Variants in SYNE1 observed in about 807,000 individuals in gnomAD.
SYNE1 encodes nesprin-1.
Under a neutral mutation model 1,111.0 loss-of-function variants are expected in SYNE1, and 616 were observed. That is an observed-to-expected ratio of 0.55 (90% CI 0.52 to 0.59). The LOEUF (loss-of-function observed/expected upper bound fraction) is 0.59, where lower values mean the gene tolerates loss of function less well. SYNE1 is among the 20% of genes least tolerant of loss of function. The probability of loss-of-function intolerance (pLI) is 0.00; values close to 1 mark genes in which losing one functional copy is unlikely to be tolerated. For missense variants in SYNE1, 10,006 were observed against 10,417.0 expected (o/e 0.96, Z 1.72); for synonymous variants, 3,855 against 3,825.8 (o/e 1.01, Z -0.28).
At chr6:152,412,018 TATAA>T (rs2098062311) in intron 42 of SYNE1, among the ~76,000 whole-genome samples, 2 of 152,248 alleles carry the variant, frequency 1.3e-5, no homozygotes, top group Admixed American at 6.5e-5. Flanking sequence ...TGTGAATGTT[TATAA>T]ATACTTTATT....
intron 69 of SYNE1, 31 bp from the exon 70 acceptor site, chr6:152,352,384 A>T (rs6932325): frequency 2.1e-5 from 34 of 1,600,520 alleles, no homozygotes; most frequent in Admixed American, 8.5e-5. Flanking sequence ...GAGCAAAGGT[A>T]GTCTTGTTTC....
At chr6:152,511,704 T>C in intron 6 of SYNE1, 1 of 1,092,060 alleles carries the variant, frequency 9.2e-7, no homozygotes, top group Admixed American at 1.8e-5. Context: ...AGAACCTGAC[T>C]GTGGTAATAC....
rs765919216 is a variant in SYNE1 at position 152,401,167 on chromosome 6, C to G, written c.7000G>C (p.Glu2334Gln). 1 of 1,614,128 alleles carries G rather than the reference C, an allele frequency of 6.2e-7. No homozygotes were observed. The highest frequency in any genetic ancestry group is 2.2e-5 in the East Asian group (1 of 44,874). ...EESLMNCAQN[E>Q]TCEALKKVKD... is the part of the protein sequence containing the mutation. ...ACTTTTTTCAATGCTTCACAAGTCTCATTTTGGGCACAGTTCATCAACGAT... is the reference window on the plus strand; with the variant it reads ...ACTTTTTTCAATGCTTCACAAGTCTGATTTTGGGCACAGTTCATCAACGAT... The change falls in exon 47 of 146, where the codon GAG (glutamate) becomes CAG (glutamine). Residue 2334 changes from glutamate to glutamine, a missense_variant. Physicochemically the swap from Glu to Gln is conservative, Grantham distance 29. This residue lies in a region of SYNE1 where 4,955 missense variants were observed against 5,017.2 expected (regional missense o/e 0.99). Coordinates refer to ENST00000367255, the MANE Select transcript of SYNE1 (RefSeq NM_182961.4).
At chr6:152,250,439 G>A (rs2088836314) in intron 104 of SYNE1, among the ~76,000 whole-genome samples, 1 of 152,112 alleles carries the variant, frequency 6.6e-6, no homozygotes, top group African/African-American at 2.4e-5. Flanking sequence ...TGAGTGGAAG[G>A]ATAATCGTAC....
intron 127 of SYNE1, among the ~76,000 whole-genome samples, chr6:152,196,640 T>A (rs1194952368): frequency 6.6e-6 from 1 of 151,606 alleles, no homozygotes; most frequent in East Asian, 2.0e-4. Flanking sequence ...TGTAATTGAG[T>A]TGGTATCCAA....
At position 152,390,355 on chromosome 6, in the gene SYNE1, C is replaced by T. The variant is rs142628581; in HGVS notation, c.8102G>A (p.Arg2701Lys). The T allele has an allele frequency of 6.8e-6, 11 of 1,614,056 alleles. No individual in the cohort carries two copies. Among genetic ancestry groups the T allele is most frequent in the Non-Finnish European group, 9.3e-6 (11 of 1,180,028 alleles). Residue 2701 changes from arginine to lysine, a missense_variant, in exon 53 of 146, where the codon AGG becomes AAG. Transcript: ENST00000367255. Reference protein sequence around the residue: ...ALRSSNKEGQRVIQTQLETLK... With the variant: ...ALRSSNKEGQKVIQTQLETLK... ...GGTCTCTAACTGAGTCTGAATCACC[C>T]TCTGACCTTCTTTGTTGCTACTTCT... is the stretch of plus-strand genomic sequence containing the variant.
At chr6:152,536,868 A>G (rs545631037) in intron 4 of SYNE1, among the ~76,000 whole-genome samples, 3 of 152,252 alleles carry the variant, frequency 2.0e-5, no homozygotes, top group Middle Eastern at 3.4e-3. Context: ...AATCTACAAA[A>G]TAATAAAAAT....
In SYNE1 at chr6:152,325,324, G is replaced by A. The variant is rs2096031142; in HGVS notation, c.15439-22C>T. ...AAGCCTAGGGTTGGGGGTGGAGGAC[G>A]GAAGAGAGGAGACAAGGGAGAGATC... On this transcript the variant is annotated intron_variant, in intron 80 of 145. Transcript: ENST00000367255. The A allele has an allele frequency of 5.6e-6, 9 of 1,609,050 alleles. No individual in the cohort carries two copies. In the Middle Eastern group the frequency reaches 5.0e-4, roughly 89 times the overall value.
At chr6:152,317,628 G>A (rs116254202) in intron 86 of SYNE1, among the ~76,000 whole-genome samples, 2,504 of 152,216 alleles carry the variant, frequency 0.016, 65 homozygotes, top group African/African-American at 0.056. Context: ...GTTTTAACTT[G>A]TCCCTGATTA....
chr6:152,359,629 G>GGGGTGT (rs145785055), intron 64 of SYNE1, among the ~76,000 whole-genome samples, 171 bp from the exon 65 acceptor site: 13 of 148,596 alleles, frequency 8.7e-5, no homozygotes, highest in South Asian at 2.2e-4. Flanking sequence ...TGAATGCATG[G>GGGGTGT]GTGTGTGTGT....
intron 5 of SYNE1, among the ~76,000 whole-genome samples, chr6:152,523,154 G>GT (rs917792035): frequency 6.0e-5 from 9 of 150,612 alleles, no homozygotes; most frequent in African/African-American, 9.7e-5. Flanking sequence ...TTTTCTTCTA[G>GT]TTTTTTTTTC....
At chr6:152,138,986 A>G (rs1477073098) in intron 140 of SYNE1, among the ~76,000 whole-genome samples, 1 of 152,224 alleles carries the variant, frequency 6.6e-6, no homozygotes, top group African/African-American at 2.4e-5. Context: ...CCACTACTGT[A>G]ATCAATTTCA....
At chr6:152,328,215 C>A (rs1315706057) in intron 78 of SYNE1, among the ~76,000 whole-genome samples, 1 of 152,092 alleles carries the variant, frequency 6.6e-6, no homozygotes, top group East Asian at 1.9e-4. Context: ...ATGTGCCCTC[C>A]TCCCAGGCTA....
intron 36 of SYNE1, 78 bp from the exon 37 acceptor site, chr6:152,428,470 G>T: frequency 7.1e-7 from 1 of 1,411,438 alleles, no homozygotes; most frequent in Non-Finnish European, 9.9e-7. Flanking sequence ...ACCGATCATC[G>T]CAAAATATTT....
intron 129 of SYNE1, 151 bp downstream of exon 129, chr6:152,179,985 A>C (rs755754467): frequency 1.1e-6 from 1 of 913,138 alleles, no homozygotes. Flanking sequence ...GCCCAGCTGC[A>C]AGTTTATTTT....
At chr6:152,380,009 C>A (rs1332079772) in intron 56 of SYNE1, among the ~76,000 whole-genome samples, 1 of 152,150 alleles carries the variant, frequency 6.6e-6, no homozygotes, top group Admixed American at 6.5e-5. Flanking sequence ...TGTGACAGAA[C>A]TGATTTCTAT....
intron 42 of SYNE1, among the ~76,000 whole-genome samples, chr6:152,411,677 A>T (rs1159544703): frequency 6.6e-6 from 1 of 151,744 alleles, no homozygotes; most frequent in Non-Finnish European, 1.5e-5. Flanking sequence ...CCTATGAGTT[A>T]GTTAGTCCTG....
chr6:152,206,204 C>G lies in SYNE1; in HGVS notation c.22983G>C (p.Leu7661=). ...QEKWKSASMR[L]EEQKKKLAFL... is the part of the protein sequence containing the mutation. ...AGGCTAGTTTTTTCTTCTGTTCTTC[C>G]AGCCGCATGCTGGCTGATTTCCATT... Residue 7661 remains leucine, a synonymous_variant, in exon 126 of 146, where the codon CTG becomes CTC. Transcript: ENST00000367255. 1.9e-6 allele frequency: 3 copies of G among 1,613,630 alleles called. No homozygotes were observed. Among genetic ancestry groups the G allele is most frequent in the South Asian group, 1.1e-5 (1 of 91,046 alleles).
Position 152,412,237 on chromosome 6 carries a change from C to T in SYNE1, c.6230+1115G>A, listed in dbSNP as rs988618138. On this transcript the variant is annotated intron_variant, in intron 42 of 145. Transcript: ENST00000367255. ...GAGATCGAGACCATCCTGGCTAACA[C>T]GGTGAAACCCCATCTCTACTAAAAA... Among the ~76,000 whole-genome samples, 28 of 151,756 alleles carry T rather than the reference C, an allele frequency of 1.8e-4. 1 individual carries two copies. The Middle Eastern group carries it at 0.014, about 74-fold the overall frequency.
Sources: allele counts gnomAD v4.1 joint callset (sites outside exome capture counted in the v4.1 genomes callset), GRCh38; gene constraint gnomAD v4.1.1; regional missense constraint gnomAD v4.1.1; transcripts MANE v1.5; gene names NCBI Gene and HGNC (gene_info 2026-07-23, HGNC 2026-07-21).